The following MAP3K3 variants were observed in gnomAD, a reference collection of about 807,000 sequenced individuals.
MAP3K3 encodes the protein mitogen-activated protein kinase kinase kinase 3, also known as MAP/ERK kinase kinase 3.
MAP3K3 carries 12 observed loss-of-function variants against 80.9 expected under a neutral mutation model. The ratio of observed to expected loss-of-function variants is 0.15; its 90% confidence interval spans 0.10 to 0.24. MAP3K3 has a LOEUF of 0.24. Ranked by LOEUF, MAP3K3 falls within the 10% of genes least tolerant of loss-of-function variation. The probability of loss-of-function intolerance (pLI) is 1.00; values close to 1 mark genes in which losing one functional copy is unlikely to be tolerated. For missense variants in MAP3K3, 596 were observed against 834.7 expected, an observed-to-expected ratio of 0.71 and a Z score of 3.52; for synonymous variants, 272 against 307.1, an observed-to-expected ratio of 0.89 and a Z score of 1.19.
chr17:63,658,413 G>A (rs2034815944), intron 5 of MAP3K3, among the ~76,000 whole-genome samples: 1 of 152,188 alleles, frequency 6.6e-6, no homozygotes, highest in Non-Finnish European at 1.5e-5. Context: ...ATCAGCTGTT[G>A]CTTTACCCAA....
At chr17:63,662,107 C>T (rs1448986707) in intron 5 of MAP3K3, among the ~76,000 whole-genome samples, 2 of 145,686 alleles carry the variant, frequency 1.4e-5, no homozygotes, top group East Asian at 4.2e-4. Context: ...CATCTCATCT[C>T]AATAATAATA....
rs1388342403 is a variant in MAP3K3, at chr17:63,626,084, AAAAC to A, written c.4+3329_4+3332del. On this transcript the variant is annotated intron_variant, in intron 1 of 15. Coordinates refer to ENST00000361733, the MANE Select transcript of MAP3K3 (RefSeq NM_002401.5). ...GTGAGAGACCCTGTCTCTAAAACAA[AAAAC>A]AAACAAAAAATAGCTGAATTTTAGG... Among the ~76,000 whole-genome samples, 4 of 152,338 alleles carry A rather than the reference AAAAC, an allele frequency of 2.6e-5. No individual in the cohort carries two copies. The East Asian group carries it at 7.7e-4, about 29-fold the overall frequency.
chr17:63,685,381 C>T, intron 7 of MAP3K3, 136 bp from the exon 8 acceptor site: 2 of 721,136 alleles, frequency 2.8e-6, no homozygotes, highest in Non-Finnish European at 5.1e-6. Context: ...AACTATTCTT[C>T]CCATTGCATG....
chr17:63,630,261 C>T (rs1189175053), intron 1 of MAP3K3, among the ~76,000 whole-genome samples: 1 of 152,102 alleles, frequency 6.6e-6, no homozygotes, highest in Non-Finnish European at 1.5e-5. Flanking sequence ...AGCCAATCTT[C>T]CTAGCTTAGA....
rs559861455 is a variant in MAP3K3, at chr17:63,664,120, G to A, written c.382-2820G>A. 3.3e-5 allele frequency among the ~76,000 whole-genome samples: 5 copies of A among 151,536 alleles called. No individual in the cohort carries two copies. In the South Asian group the frequency reaches 6.2e-4, roughly 19 times the overall value. ...AAAATAGCCGGGCGTGGTAGCGGGC[G>A]CCTGTAGTCCCAGCTACTTGGGAGG... On this transcript the variant is annotated intron_variant, in intron 5 of 15. Coordinates refer to ENST00000361733, the MANE Select transcript of MAP3K3 (RefSeq NM_002401.5).
chr17:63,666,256 A>AT (rs2034997943), intron 5 of MAP3K3, among the ~76,000 whole-genome samples: 1 of 152,058 alleles, frequency 6.6e-6, no homozygotes, highest in Non-Finnish European at 1.5e-5. Context: ...TCCTGAGATG[A>AT]TTTGTGTGTA....
intron 1 of MAP3K3, among the ~76,000 whole-genome samples, chr17:63,629,889 G>C (rs1026998195): frequency 6.6e-6 from 1 of 152,162 alleles, no homozygotes; most frequent in Non-Finnish European, 1.5e-5. Context: ...TGATAAACCA[G>C]CTCTTATAAT....
chr17:63,673,917 AAAAT>A (rs769354195), intron 6 of MAP3K3, among the ~76,000 whole-genome samples: 4 of 152,072 alleles, frequency 2.6e-5, no homozygotes, highest in Non-Finnish European at 5.9e-5. Context: ...AAAAAAATAA[AAAAT>A]AAATAAAAAT....
Position 63,622,810 on chromosome 17 carries a change from G to T in MAP3K3, c.4+47G>T, listed in dbSNP as rs866504549. ...GCCTGTGCCCGCGCTGCTTCGCGACGCCCCGCCCCAGGCTGAGGGAGGAGG... is the reference window on the plus strand; with the variant it reads ...GCCTGTGCCCGCGCTGCTTCGCGACTCCCCGCCCCAGGCTGAGGGAGGAGG... On this transcript the variant is annotated intron_variant, in intron 1 of 15. Coordinates refer to ENST00000361733, the MANE Select transcript of MAP3K3 (RefSeq NM_002401.5). The T allele has an allele frequency of 3.0e-5, 14 of 461,434 alleles. No individual in the cohort carries two copies. The Middle Eastern group carries it at 3.3e-3, about 107-fold the overall frequency. 28.6% of individuals were successfully genotyped at this position (461,434 alleles called of 1,614,324 possible).
Position 63,688,107 on chromosome 17 carries a change from C to T in MAP3K3, c.711-420C>T, listed in dbSNP as rs916024683. ...ATATGGTGTATTTGCTACCTCACAGCGTTCTGAGGATTAAATGAGAAAAAC... is the reference window on the plus strand; with the variant it reads ...ATATGGTGTATTTGCTACCTCACAGTGTTCTGAGGATTAAATGAGAAAAAC... On this transcript the variant is annotated intron_variant, in intron 8 of 15. Transcript: ENST00000361733. 3.9e-5 allele frequency: 10 copies of T among 258,692 alleles called. No individual in the cohort carries two copies. The South Asian group carries it at 4.5e-4, about 12-fold the overall frequency. 16.0% of individuals were successfully genotyped at this position (258,692 alleles called of 1,614,324 possible). A position where few individuals can be genotyped will look rare whatever the true frequency, so the allele number is the denominator to read the frequency against.
chr17:63,688,765 C>T, intron 9 of MAP3K3, 24 bp from the exon 10 acceptor site: 1 of 1,565,932 alleles, frequency 6.4e-7, no homozygotes, highest in Non-Finnish European at 8.8e-7. Context: ...ACCCAGAAGC[C>T]AGTGATTCCC....
intron 1 of MAP3K3, 113 bp from the exon 2 acceptor site, chr17:63,632,568 G>T: frequency 8.5e-7 from 1 of 1,175,112 alleles, no homozygotes; most frequent in Non-Finnish European, 1.2e-6. Flanking sequence ...ATAGTTACAG[G>T]GTCTGTCATT....
At chr17:63,670,420 T>C (rs2035081099) in intron 6 of MAP3K3, among the ~76,000 whole-genome samples, 1 of 151,314 alleles carries the variant, frequency 6.6e-6, no homozygotes, top group East Asian at 2.0e-4. Flanking sequence ...CCGTCACTAA[T>C]AAAAATGCAA....
chr17:63,645,983 A>C, intron 2 of MAP3K3, 51 bp from the exon 3 acceptor site: 1 of 1,487,234 alleles, frequency 6.7e-7, no homozygotes. Context: ...CAATGGCAGG[A>C]GTGACACATT....
chr17:63,626,590 A>G (rs770640103), intron 1 of MAP3K3, among the ~76,000 whole-genome samples: 69 of 152,246 alleles, frequency 4.5e-4, no homozygotes, highest in Non-Finnish European at 8.1e-4. Flanking sequence ...TGACTTTGAG[A>G]TTTAGCAAAG....
chr17:63,684,010 ATTAGCT>A (rs1220308014), intron 7 of MAP3K3, among the ~76,000 whole-genome samples: 1 of 152,152 alleles, frequency 6.6e-6, no homozygotes, highest in East Asian at 1.9e-4. Context: ...AAAAAATTTA[ATTAGCT>A]GGGCATAGTG....
At chr17:63,678,547 A>AT (rs1459971172) in intron 6 of MAP3K3, among the ~76,000 whole-genome samples, 29 of 152,312 alleles carry the variant, frequency 1.9e-4, no homozygotes, top group African/African-American at 6.7e-4. Context: ...TGGGGAGGCC[A>AT]GATTACTGAG....
In MAP3K3 at chr17:63,692,139, T is replaced by C. The variant is rs759110846; in HGVS notation, c.1475-103T>C. The C allele has an allele frequency of 3.0e-6, 4 of 1,334,128 alleles. No individual in the cohort carries two copies. The highest frequency in any genetic ancestry group is 4.2e-6 in the Non-Finnish European group (4 of 946,758). The allele number at this position is 1,334,128 out of a possible 1,614,324, so 82.6% of individuals were successfully genotyped here. A position where few individuals can be genotyped will look rare whatever the true frequency, so the allele number is the denominator to read the frequency against. Reference sequence around the variant, plus strand: ...TTGCAGTTCATGTCTAATTCAGTGGTAGCCCTGCCCTCTCCAGCAGCTCTC... The same window carrying C: ...TTGCAGTTCATGTCTAATTCAGTGGCAGCCCTGCCCTCTCCAGCAGCTCTC... On this transcript the variant is annotated intron_variant, in intron 14 of 15. Coordinates refer to ENST00000361733, the MANE Select transcript of MAP3K3 (RefSeq NM_002401.5). This position sits in a 1 kb window ranked among gnomAD's most constrained non-coding sequence, Gnocchi z 4.5.
chr17:63,652,764 T>G lies in MAP3K3; in HGVS notation c.267+108T>G, dbSNP rs148811437. The G allele has an allele frequency of 1.7e-4, 119 of 684,618 alleles. No individual in the cohort carries two copies. In the African/African-American group the frequency reaches 2.1e-3, roughly 12 times the overall value. 42.4% of individuals were successfully genotyped at this position (684,618 alleles called of 1,614,324 possible). On this transcript the variant is annotated intron_variant, in intron 4 of 15. Transcript: ENST00000361733. ...TTGTTCCTCTAATATCATCTGCAGG[T>G]TTTCATTTTCTAGACCCCCTTTTCT...
Sources: allele counts gnomAD v4.1 joint callset (sites outside exome capture counted in the v4.1 genomes callset), GRCh38; gene constraint gnomAD v4.1.1; non-coding constraint Gnocchi (gnomAD v3.1); transcripts MANE v1.5; gene names NCBI Gene and HGNC (gene_info 2026-07-23, HGNC 2026-07-21).